The following PHF12 variants were observed in gnomAD, a reference collection of about 807,000 sequenced individuals.
PHF12 encodes PHD finger protein 12.
Under a neutral mutation model 99.8 loss-of-function variants are expected in PHF12, and 6 were observed. The ratio of observed to expected loss-of-function variants is 0.06; its 90% confidence interval spans 0.03 to 0.12. PHF12 has a LOEUF of 0.12. Among genes scored for constraint, PHF12 ranks in the 10% least tolerant of loss-of-function variants. PHF12 has a pLI of 1.00. For missense variants in PHF12, 954 were observed against 1,300.1 expected (o/e 0.73, Z 4.09); for synonymous variants, 480 against 514.9 (o/e 0.93, Z 0.92).
rs548551743 is a variant in PHF12, at chr17:28,943,696, G to A, written c.248+6369C>T. Among the ~76,000 whole-genome samples, 6 of 151,842 alleles carry A rather than the reference G, an allele frequency of 4.0e-5. No individual in the cohort carries two copies. In the South Asian group the frequency reaches 6.2e-4, roughly 16 times the overall value. ...CAACAAAGAAAACTGGCACCCAAAT[G>A]TTCACAACATTATTTACAACACCAA... On this transcript the variant is annotated intron_variant, in intron 2 of 14. Transcript: ENST00000332830.
intron 2 of PHF12, among the ~76,000 whole-genome samples, chr17:28,931,256 CTTTT>C (rs34710675): frequency 4.7e-5 from 6 of 127,540 alleles, no homozygotes; most frequent in Admixed American, 7.9e-5. Context: ...GCCATCATTC[CTTTT>C]TTTTTTTTTT....
intron 3 of PHF12, chr17:28,925,192 T>C (rs1225008585): frequency 6.6e-6 from 1 of 152,210 alleles, no homozygotes; most frequent in Non-Finnish European, 1.5e-5. Flanking sequence ...TGTGATCTTG[T>C]CCTATTTCTG....
At chr17:28,914,148 C>T in intron 7 of PHF12, 111 bp from the exon 8 acceptor site, 1 of 1,224,952 alleles carries the variant, frequency 8.2e-7, no homozygotes, top group Non-Finnish European at 1.1e-6. Context: ...AAGGGACCAT[C>T]CACTCTGGGG....
rs1030849422 is a variant in PHF12 at position 28,950,841 on chromosome 17, G to C, written c.66+54C>G. On this transcript the variant is annotated intron_variant, in intron 1 of 14. Transcript: ENST00000332830. This position sits in a 1 kb window ranked among gnomAD's most constrained non-coding sequence, Gnocchi z 5.7. Reference sequence around the variant, plus strand: ...TTAGGACTGGCTTTGTGGGGCGGAGGGCGGAGGTTCCCTCCCGGCGCTGGA... The same window carrying C: ...TTAGGACTGGCTTTGTGGGGCGGAGCGCGGAGGTTCCCTCCCGGCGCTGGA... The C allele has an allele frequency of 6.2e-7, 1 of 1,604,888 alleles. No homozygotes were observed. Among genetic ancestry groups the C allele is most frequent in the African/African-American group, 1.3e-5 (1 of 74,422 alleles).
intron 2 of PHF12, chr17:28,929,723 T>G (rs1446458062): frequency 1.3e-5 from 2 of 152,066 alleles, no homozygotes; most frequent in African/African-American, 4.8e-5. Flanking sequence ...CTTAGTGAAA[T>G]CTCAGGAGGA....
intron 9 of PHF12, chr17:28,912,254 G>A: frequency 7.5e-7 from 1 of 1,327,934 alleles, no homozygotes; most frequent in Non-Finnish European, 9.6e-7. Flanking sequence ...GACTCAGTAG[G>A]TCATTTTAAG....
chr17:28,906,150 G>T lies in PHF12; in HGVS notation c.*33C>A, dbSNP rs755051264. ...TTTGCATTGCAGGAGTCTTGGGTGG[G>T]TGTACAGGCCAGTGGCGGGGTAGCC... On this transcript the variant is annotated 3_prime_UTR_variant, in exon 15 of 15. Coordinates refer to ENST00000332830, the MANE Select transcript of PHF12 (RefSeq NM_001033561.2). This position sits in a 1 kb window ranked among gnomAD's most constrained non-coding sequence, Gnocchi z 4.2. 5 of 1,555,232 alleles carry T rather than the reference G, an allele frequency of 3.2e-6. No homozygotes were observed. The highest frequency in any genetic ancestry group is 3.5e-6 in the Non-Finnish European group (4 of 1,144,270).
chr17:28,931,081 A>G (rs997453061), intron 2 of PHF12, among the ~76,000 whole-genome samples: 3 of 152,100 alleles, frequency 2.0e-5, no homozygotes, highest in Non-Finnish European at 4.4e-5. Context: ...ACAACAAAAA[A>G]CAAACAAACA....
Position 28,924,268 on chromosome 17 carries a change from T to C in PHF12, c.356A>G (p.Asn119Ser), listed in dbSNP as rs752844713. The C allele has an allele frequency of 1.2e-6, 2 of 1,614,102 alleles. No homozygotes were observed. Among genetic ancestry groups the C allele is most frequent in the Non-Finnish European group, 1.7e-6 (2 of 1,180,034 alleles). Residue 119 changes from asparagine (N) to serine (S), a missense_variant, in exon 4 of 15, where the codon AAT (asparagine) becomes AGT (serine). By Grantham distance (46) the Asn-to-Ser change is conservative. This residue lies in a region of PHF12 where 109 missense variants were observed against 145.4 expected (regional missense o/e 0.75). Coordinates refer to ENST00000332830, the MANE Select transcript of PHF12 (RefSeq NM_001033561.2). ...TTTGCCAGATTTGTCCACCAGTCCA[T>C]TGACATGACCCAGCTCCTTTTTCTG... ...REQKKELGHV[N>S]GLVDKSGKRT... is the part of the protein sequence containing the mutation.
chr17:28,951,094 T>G lies in PHF12; in HGVS notation c.-134A>C. On this transcript the variant is annotated 5_prime_UTR_variant, in exon 1 of 15. Transcript: ENST00000332830. ...AATACGGGTCCCGACTTCCTCGCCC[T>G]GGCTCCCCCCCACCCCCCGGCCCCC... The G allele has an allele frequency of 6.8e-7, 1 of 1,469,348 alleles. No individual in the cohort carries two copies. The highest frequency in any genetic ancestry group is 1.3e-5 in the South Asian group (1 of 74,794). The allele number at this position is 1,469,348 out of a possible 1,614,324, so 91.0% of individuals were successfully genotyped here. A position where few individuals can be genotyped will look rare whatever the true frequency, so the allele number is the denominator to read the frequency against.
rs1192586844 is a variant in PHF12 at position 28,951,070 on chromosome 17, A to G, written c.-110T>C. 48 of 1,550,330 alleles carry G rather than the reference A, an allele frequency of 3.1e-5. No individual in the cohort carries two copies. Among genetic ancestry groups the G allele is most frequent in the Admixed American group, 7.3e-5 (4 of 54,896 alleles). The stretch of plus-strand genomic sequence containing the variant: ...TGACCCCGGCCCCGCTTTTTTCCCA[A>G]TACGGGTCCCGACTTCCTCGCCCTG... On this transcript the variant is annotated 5_prime_UTR_variant, in exon 1 of 15. Transcript: ENST00000332830.
At chr17:28,940,694 G>A (rs1283053505) in intron 2 of PHF12, among the ~76,000 whole-genome samples, 2 of 152,202 alleles carry the variant, frequency 1.3e-5, no homozygotes, top group African/African-American at 4.8e-5. Context: ...GAAATGGCAG[G>A]CAGAAAAAGG....
At chr17:28,940,777 T>C (rs967369129) in intron 2 of PHF12, among the ~76,000 whole-genome samples, 3 of 152,236 alleles carry the variant, frequency 2.0e-5, no homozygotes, top group Non-Finnish European at 4.4e-5. Context: ...TGTGCATGCG[T>C]CCTGGGCATG....
chr17:28,910,579 C>T (rs2039941862), intron 10 of PHF12: 1 of 615,958 alleles, frequency 1.6e-6, no homozygotes. Context: ...GCAGCCTGTG[C>T]AGCTGCCTCC....
At chr17:28,930,517 TG>T (rs1213327438) in intron 2 of PHF12, among the ~76,000 whole-genome samples, 9 of 152,184 alleles carry the variant, frequency 5.9e-5, no homozygotes, top group Non-Finnish European at 7.3e-5. Flanking sequence ...AACTGTTTTG[TG>T]GGTTAAATCA....
At chr17:28,933,669 T>C (rs527792600) in intron 2 of PHF12, among the ~76,000 whole-genome samples, 1 of 152,184 alleles carries the variant, frequency 6.6e-6, no homozygotes, top group Non-Finnish European at 1.5e-5. Flanking sequence ...CAATATTTAT[T>C]GAGTACCCAT....
intron 5 of PHF12, among the ~76,000 whole-genome samples, chr17:28,921,448 T>G (rs1349430802): frequency 6.6e-6 from 1 of 152,188 alleles, no homozygotes; most frequent in African/African-American, 2.4e-5. Context: ...ATTACAGGCA[T>G]AAGCCACCGT....
intron 2 of PHF12, chr17:28,928,226 A>C (rs1296896974): frequency 1.3e-5 from 2 of 152,290 alleles, no homozygotes; most frequent in East Asian, 3.8e-4. Context: ...AAATGACTGC[A>C]GTCCCAGCCA....
chr17:28,912,408 G>C (rs748428079), intron 9 of PHF12, 74 bp downstream of exon 9: 1 of 1,510,028 alleles, frequency 6.6e-7, no homozygotes, highest in Non-Finnish European at 8.9e-7. Flanking sequence ...AGGGATATAA[G>C]TGCTTTTAGA....
Sources: allele counts gnomAD v4.1 joint callset (sites outside exome capture counted in the v4.1 genomes callset), GRCh38; gene constraint gnomAD v4.1.1; regional missense constraint gnomAD v4.1.1; non-coding constraint Gnocchi (gnomAD v3.1); transcripts MANE v1.5; gene names NCBI Gene and HGNC (gene_info 2026-07-23, HGNC 2026-07-21).